Variants in CASQ2 observed in about 807,000 individuals in gnomAD.
CASQ2 encodes calsequestrin-2.
A neutral mutation model predicts 46.5 loss-of-function variants in CASQ2; 49 were observed. That is an observed-to-expected ratio of 1.05 (90% CI 0.84 to 1.34). The LOEUF is 1.34. CASQ2 is among the 40% of genes most tolerant of loss of function. The pLI is 0.00. For synonymous variants in CASQ2, 174 were observed against 168.5 expected (o/e 1.03, Z -0.25); for missense variants, 486 against 481.3 (o/e 1.01, Z -0.09).
At chr1:115,762,982 A>C (rs895557948) in intron 1 of CASQ2, among the ~76,000 whole-genome samples, 4 of 152,184 alleles carry the variant, frequency 2.6e-5, no homozygotes, top group African/African-American at 9.7e-5. Flanking sequence ...TCATGTTGTC[A>C]TGTGACCAGT....
chr1:115,736,579 G>A (rs368520622), intron 4 of CASQ2, among the ~76,000 whole-genome samples: 2 of 152,228 alleles, frequency 1.3e-5, no homozygotes, highest in African/African-American at 4.8e-5. Context: ...AGAGGTTGCA[G>A]TGAGCCAAGA....
In CASQ2 at chr1:115,746,668, T is replaced by C. The variant is rs564466214; in HGVS notation, c.235-1756A>G. Among the ~76,000 whole-genome samples the C allele has an allele frequency of 3.5e-4, 54 of 152,360 alleles. 1 individual carries two copies. Among genetic ancestry groups the C allele is most frequent in the African/African-American group, 1.3e-3 (54 of 41,580 alleles). On this transcript the variant is annotated intron_variant, in intron 1 of 10. Transcript: ENST00000261448. Reference sequence around the variant, plus strand: ...CCTGTTCACATCTTTTGCTCATTTTTCAACTGGATTGCTTTTTGGCTGTTG... The same window carrying C: ...CCTGTTCACATCTTTTGCTCATTTTCCAACTGGATTGCTTTTTGGCTGTTG...
intron 3 of CASQ2, among the ~76,000 whole-genome samples, chr1:115,739,290 TA>T (rs747977491): frequency 2.9e-5 from 4 of 137,946 alleles, no homozygotes; most frequent in Admixed American, 2.2e-4. Flanking sequence ...TTTATTTTTG[TA>T]TTTTTAGTAG....
At chr1:115,723,286 T>C (rs1472687701) in intron 7 of CASQ2, among the ~76,000 whole-genome samples, 3 of 141,858 alleles carry the variant, frequency 2.1e-5, no homozygotes, top group Non-Finnish European at 4.5e-5. Context: ...TCTATCTATA[T>C]CTCTCTATAT....
chr1:115,724,031 G>T (rs762390332), intron 7 of CASQ2, among the ~76,000 whole-genome samples: 2 of 152,136 alleles, frequency 1.3e-5, no homozygotes, highest in Non-Finnish European at 2.9e-5. Flanking sequence ...TTGCTCCCTG[G>T]TTCTGTTCAT....
rs773425950 is a variant in CASQ2, at chr1:115,743,193, T to TTTTA, written c.319+1634_319+1635insTAAA. Among the ~76,000 whole-genome samples the TTTTA allele has an allele frequency of 4.0e-3, 583 of 147,422 alleles. 6 individuals are homozygous for TTTTA. Among genetic ancestry groups the TTTTA allele is most frequent in the African/African-American group, 0.014 (560 of 39,636 alleles). On this transcript the variant is annotated intron_variant, in intron 2 of 10. Coordinates refer to ENST00000261448, the MANE Select transcript of CASQ2 (RefSeq NM_001232.4). ...AAGAGACATCCCAAGCATTCTTTATTTTTGTTTATTTATTTATTTATTTAT... is the reference window on the plus strand; with the variant it reads ...AAGAGACATCCCAAGCATTCTTTATTTTTATTTGTTTATTTATTTATTTATTTAT...
At chr1:115,746,173 A>G (rs1240991133) in intron 1 of CASQ2, among the ~76,000 whole-genome samples, 1 of 120,770 alleles carries the variant, frequency 8.3e-6, no homozygotes, top group Non-Finnish European at 1.9e-5. Context: ...TTTTTTTTTT[A>G]TTGCTGAGTA....
intron 1 of CASQ2, among the ~76,000 whole-genome samples, chr1:115,767,735 G>T (rs1395254819): frequency 6.6e-6 from 1 of 152,034 alleles, no homozygotes; most frequent in Non-Finnish European, 1.5e-5. Context: ...AGAACTTTCT[G>T]AGAAAAAAAA....
At chr1:115,740,945 T>C in intron 2 of CASQ2, 117 bp from the exon 3 acceptor site, 1 of 725,070 alleles carries the variant, frequency 1.4e-6, no homozygotes, top group South Asian at 1.5e-5. Flanking sequence ...TTAGTGGAAC[T>C]AGCATTAACC....
chr1:115,710,722 G>A (rs565366209), intron 8 of CASQ2, among the ~76,000 whole-genome samples: 101 of 152,250 alleles, frequency 6.6e-4, no homozygotes, highest in African/African-American at 2.4e-3. Context: ...TGGGACTGGC[G>A]TCTCAGAGAT....
At chr1:115,758,620 G>A (rs1000970246) in intron 1 of CASQ2, among the ~76,000 whole-genome samples, 1 of 152,188 alleles carries the variant, frequency 6.6e-6, no homozygotes, top group East Asian at 1.9e-4. Flanking sequence ...ATAGATTAAT[G>A]TCCTCCGTGG....
chr1:115,744,402 T>C (rs995656936), intron 2 of CASQ2, among the ~76,000 whole-genome samples: 1 of 152,232 alleles, frequency 6.6e-6, no homozygotes, highest in Admixed American at 6.5e-5. Context: ...GAATTATTAC[T>C]ATTAATGCTG....
chr1:115,702,948 T>C lies in CASQ2; in HGVS notation c.987A>G (p.Pro329=), dbSNP rs1396168908. Reference sequence around the variant, plus strand: ...CTGTGACATTCACCACCCCAATCTGTGGCCTGAATAGGTCAATCTTGAAAG... The same window carrying C: ...CTGTGACATTCACCACCCCAATCTGCGGCCTGAATAGGTCAATCTTGAAAG... ...EKTFKIDLFR[P]QIGVVNVTDA... The change falls in exon 10 of 11, where the codon CCA becomes CCG. Residue 329 remains proline, a synonymous_variant. Coordinates refer to ENST00000261448, the MANE Select transcript of CASQ2 (RefSeq NM_001232.4). 3.1e-6 allele frequency: 5 copies of C among 1,613,732 alleles called. No individual in the cohort carries two copies. The highest frequency in any genetic ancestry group is 4.2e-6 in the Non-Finnish European group (5 of 1,179,858).
At chr1:115,720,441 C>A (rs1315632543) in intron 7 of CASQ2, among the ~76,000 whole-genome samples, 3 of 152,150 alleles carry the variant, frequency 2.0e-5, no homozygotes, top group Non-Finnish European at 4.4e-5. Context: ...ACCTTGGGGG[C>A]TATGATTCCA....
chr1:115,717,160 C>T (rs1654726890), intron 8 of CASQ2, among the ~76,000 whole-genome samples: 1 of 152,150 alleles, frequency 6.6e-6, no homozygotes. Flanking sequence ...CAGATACTGC[C>T]CTGTTTCCTG....
intron 8 of CASQ2, among the ~76,000 whole-genome samples, chr1:115,711,185 C>T (rs924344618): frequency 6.6e-6 from 1 of 152,218 alleles, no homozygotes; most frequent in African/African-American, 2.4e-5. Flanking sequence ...GACTCCATGC[C>T]ATGGGAAGTT....
At chr1:115,739,124 C>CTTTTTTTTTATTTTTTTTT (rs1299140156) in intron 3 of CASQ2, among the ~76,000 whole-genome samples, 1 of 99,522 alleles carries the variant, frequency 1.0e-5, no homozygotes, top group African/African-American at 2.9e-5. Flanking sequence ...TCTTTTCTTT[C>CTTTTTTTTTATTTTTTTTT]TTTTTGAGAT....
intron 5 of CASQ2, among the ~76,000 whole-genome samples, chr1:115,728,616 A>G (rs983829426): frequency 2.2e-4 from 34 of 152,310 alleles, no homozygotes; most frequent in Middle Eastern, 3.4e-3. Context: ...CAGAATGAAA[A>G]CAGTAATAAT....
intron 5 of CASQ2, among the ~76,000 whole-genome samples, chr1:115,732,577 C>G (rs974471039): frequency 5.9e-5 from 9 of 152,116 alleles, no homozygotes; most frequent in African/African-American, 2.2e-4. Flanking sequence ...GAGGATACCC[C>G]CTAAGGAAAA....
Sources: allele counts gnomAD v4.1 joint callset (sites outside exome capture counted in the v4.1 genomes callset), GRCh38; gene constraint gnomAD v4.1.1; transcripts MANE v1.5; gene names NCBI Gene and HGNC (gene_info 2026-07-23, HGNC 2026-07-21).